SDK1: variants seen among roughly 807,000 people sequenced by gnomAD.
SDK1 encodes protein sidekick-1.
SDK1 carries 157 observed loss-of-function variants against 245.5 expected under a neutral mutation model. The ratio of observed to expected loss-of-function variants is 0.64; its 90% CI spans 0.56 to 0.73. SDK1 has a LOEUF of 0.73. Ranked by LOEUF, SDK1 falls within the 30% of genes least tolerant of loss-of-function variation. SDK1 has a pLI of 0.00. For synonymous variants in SDK1, 1,647 were observed against 1,278.5 expected (o/e 1.29, Z -6.15); for missense variants, 3,583 against 3,002.3 (o/e 1.19, Z -4.52).
In SDK1 at chr7:4,265,756, A is replaced by C. The variant is rs1011440016; in HGVS notation, c.*372A>C. The C allele has an allele frequency of 1.9e-6, 2 of 1,040,714 alleles. No homozygotes were observed. The highest frequency in any genetic ancestry group is 3.4e-5 in the African/African-American group (2 of 58,704). 64.5% of individuals were successfully genotyped at this position (1,040,714 alleles called of 1,614,324 possible). On this transcript the variant is annotated 3_prime_UTR_variant, in exon 45 of 45. Transcript: ENST00000404826. ...AAGCGGGGAGAGGGAGTGGAGGGTC[A>C]GGTGAGATCTCAGAGCTGCCCCGGC... is the stretch of plus-strand genomic sequence containing the variant.
intron 1 of SDK1, among the ~76,000 whole-genome samples, chr7:3,546,972 C>A (rs1320242663): frequency 6.6e-6 from 1 of 152,018 alleles, no homozygotes; most frequent in African/African-American, 2.4e-5. Flanking sequence ...TTTGATTTAA[C>A]TAATTGAGGG....
intron 4 of SDK1, among the ~76,000 whole-genome samples, chr7:3,798,211 C>CTTTTTTTTTTT (rs71029699): frequency 1.9e-5 from 1 of 53,612 alleles, no homozygotes; most frequent in African/African-American, 7.1e-5. Context: ...CCTTGGCACT[C>CTTTTTTTTTTT]TTTTTTTTTT....
intron 4 of SDK1, among the ~76,000 whole-genome samples, chr7:3,647,412 C>T (rs912577046): frequency 5.9e-5 from 9 of 152,100 alleles, no homozygotes; most frequent in African/African-American, 2.2e-4. Flanking sequence ...TTAGCAAATA[C>T]ATCAAGCTCT....
chr7:3,513,137 C>T (rs983481703), intron 1 of SDK1, among the ~76,000 whole-genome samples: 1 of 152,156 alleles, frequency 6.6e-6, no homozygotes, highest in Non-Finnish European at 1.5e-5. Context: ...TAGCAGCTAA[C>T]AGTTACTGAG....
intron 44 of SDK1, among the ~76,000 whole-genome samples, chr7:4,261,363 AG>A (rs1787990223): frequency 6.6e-6 from 1 of 152,124 alleles, no homozygotes; most frequent in Non-Finnish European, 1.5e-5. Flanking sequence ...CTGCAAAATT[AG>A]GGGAGCTGGC....
Position 4,017,160 on chromosome 7 carries a change from T to A in SDK1, c.2421-11T>A. 1 of 1,597,882 alleles carries A rather than the reference T, an allele frequency of 6.3e-7. No homozygotes were observed. Among genetic ancestry groups the A allele is most frequent in the Non-Finnish European group, 8.5e-7 (1 of 1,171,492 alleles). The stretch of plus-strand genomic sequence containing the variant: ...ATTTCCTTATCGTGATGGGCTTCCT[T>A]CGTGGCGCAGGTACCGCCTGGCTGG... On this transcript the variant is annotated splice_polypyrimidine_tract_variant and intron_variant, in intron 16 of 44. Transcript: ENST00000404826.
At chr7:4,204,888 C>T (rs766027548) in intron 35 of SDK1, among the ~76,000 whole-genome samples, 2 of 84,404 alleles carry the variant, frequency 2.4e-5, no homozygotes, top group Non-Finnish European at 2.3e-5. Context: ...TAGTGTGAAG[C>T]TGGCATGGGG....
chr7:3,946,397 C>T (rs1780581368), intron 5 of SDK1, among the ~76,000 whole-genome samples: 1 of 152,116 alleles, frequency 6.6e-6, no homozygotes, highest in Non-Finnish European at 1.5e-5. Context: ...CCAGGCTGGT[C>T]TCAAACTCCT....
At chr7:4,229,659 T>C (rs1267757890) in intron 40 of SDK1, among the ~76,000 whole-genome samples, 2 of 152,090 alleles carry the variant, frequency 1.3e-5, no homozygotes, top group African/African-American at 4.8e-5. Flanking sequence ...TCCGGAGGTG[T>C]TCAGACCTTC....
At chr7:3,342,665 CA>C (rs1264410898) in intron 1 of SDK1, among the ~76,000 whole-genome samples, 1 of 151,870 alleles carries the variant, frequency 6.6e-6, no homozygotes, top group African/African-American at 2.4e-5. Flanking sequence ...ACCAAAATCA[CA>C]ATCCATAAAA....
intron 17 of SDK1, among the ~76,000 whole-genome samples, chr7:4,047,397 A>G (rs1789098471): frequency 7.3e-6 from 1 of 137,114 alleles, no homozygotes; most frequent in Non-Finnish European, 1.5e-5. Flanking sequence ...TTATTTTCTA[A>G]TATTTTGTTG....
chr7:3,684,154 G>T (rs930201), intron 4 of SDK1, among the ~76,000 whole-genome samples: 1 of 152,222 alleles, frequency 6.6e-6, no homozygotes, highest in South Asian at 2.1e-4. Context: ...CCTGCAACCC[G>T]TGCAGTCTCA....
intron 4 of SDK1, among the ~76,000 whole-genome samples, chr7:3,665,657 A>G (rs1783501867): frequency 6.6e-6 from 1 of 152,108 alleles, no homozygotes; most frequent in South Asian, 2.1e-4. Flanking sequence ...AGGCAACTAG[A>G]AGTAGTATTT....
At chr7:3,589,773 C>A (rs1780802347) in intron 1 of SDK1, among the ~76,000 whole-genome samples, 1 of 152,168 alleles carries the variant, frequency 6.6e-6, no homozygotes, top group East Asian at 1.9e-4. Flanking sequence ...CTGGGTCCCT[C>A]ATGACACATG....
chr7:4,031,727 A>G lies in SDK1; in HGVS notation c.2602+14375A>G, dbSNP rs1453674415. 3.3e-5 allele frequency among the ~76,000 whole-genome samples: 5 copies of G among 152,246 alleles called. 1 individual carries two copies. In the South Asian group the frequency reaches 6.2e-4, roughly 19 times the overall value. ...GAAGTGAAATTTATTGATTATATCA[A>G]TAAATATACTGGACTTAATTAGCTT... On this transcript the variant is annotated intron_variant, in intron 17 of 44. Transcript: ENST00000404826.
At chr7:3,693,203 TTATA>T (rs1378065812) in intron 4 of SDK1, among the ~76,000 whole-genome samples, 3 of 152,134 alleles carry the variant, frequency 2.0e-5, no homozygotes, top group Non-Finnish European at 4.4e-5. Flanking sequence ...GACTGTGTGG[TTATA>T]TAAACACCAA....
At chr7:4,055,118 T>C (rs1779116367) in intron 19 of SDK1, among the ~76,000 whole-genome samples, 1 of 152,212 alleles carries the variant, frequency 6.6e-6, no homozygotes, top group Non-Finnish European at 1.5e-5. Context: ...CCATGAAATA[T>C]GTTTAGAAGT....
At chr7:3,575,782 A>T (rs1464212861) in intron 1 of SDK1, among the ~76,000 whole-genome samples, 1 of 152,040 alleles carries the variant, frequency 6.6e-6, no homozygotes, top group Non-Finnish European at 1.5e-5. Flanking sequence ...CCAGTCTATC[A>T]TGTGTCATTG....
chr7:4,148,070 G>A (rs1478938213), intron 29 of SDK1, among the ~76,000 whole-genome samples: 2 of 152,074 alleles, frequency 1.3e-5, no homozygotes, highest in East Asian at 3.9e-4. Flanking sequence ...CGTGGCTCAG[G>A]GAGAGGGAAT....
Sources: gnomAD v4.1 joint callset for allele counts (sites outside exome capture counted in the v4.1 genomes callset) on GRCh38, gnomAD v4.1.1 for gene constraint, MANE v1.5 for transcripts, NCBI Gene and HGNC (gene_info 2026-07-23, HGNC 2026-07-21) for gene names.